The following MED15 variants were observed in gnomAD, a reference collection of about 807,000 sequenced individuals.
The protein encoded by MED15 is mediator of RNA polymerase II transcription subunit 15.
A neutral mutation model predicts 118.7 loss-of-function variants in MED15; 41 were observed. That is an observed-to-expected ratio of 0.35 (90% CI 0.27 to 0.45). The LOEUF is 0.45. Among genes scored for constraint, MED15 ranks in the 20% least tolerant of loss-of-function variants. The pLI, the probability that MED15 is intolerant of heterozygous loss-of-function variation, is 1.00. For missense variants in MED15, 740 were observed against 1,025.5 expected (o/e 0.72, Z 3.80); for synonymous variants, 436 against 413.9 (o/e 1.05, Z -0.65).
chr22:20,552,321 G>A (rs2055811464), intron 3 of MED15, among the ~76,000 whole-genome samples: 1 of 152,222 alleles, frequency 6.6e-6, no homozygotes, highest in Non-Finnish European at 1.5e-5. Context: ...TGTACCTTCA[G>A]TGTGTTGCTG....
chr22:20,550,540 TG>T (rs1344961452), intron 2 of MED15, among the ~76,000 whole-genome samples: 1 of 152,266 alleles, frequency 6.6e-6, no homozygotes, highest in African/African-American at 2.4e-5. Flanking sequence ...GGATGGACTC[TG>T]AGTGTCACAG....
intron 5 of MED15, among the ~76,000 whole-genome samples, chr22:20,559,506 T>C (rs554875053): frequency 6.6e-6 from 1 of 152,172 alleles, no homozygotes; most frequent in East Asian, 1.9e-4. Flanking sequence ...GAAAACAATA[T>C]GTGAGGGGAT....
chr22:20,567,326 T>C (rs150020328), intron 7 of MED15, among the ~76,000 whole-genome samples: 17 of 152,374 alleles, frequency 1.1e-4, no homozygotes, highest in African/African-American at 4.1e-4. Flanking sequence ...AGTTTCATTT[T>C]GTATCTCTGC....
At chr22:20,578,532 C>G (rs942325809) in intron 9 of MED15, among the ~76,000 whole-genome samples, 2 of 152,228 alleles carry the variant, frequency 1.3e-5, no homozygotes, top group Non-Finnish European at 2.9e-5. Context: ...TTCACCTGAC[C>G]ACACCAGGTG....
At chr22:20,526,933 G>A (rs1381446733) in intron 1 of MED15, among the ~76,000 whole-genome samples, 2 of 152,166 alleles carry the variant, frequency 1.3e-5, no homozygotes, top group African/African-American at 4.8e-5. Flanking sequence ...CCAGCTTCCT[G>A]AGAAGGGACT....
At chr22:20,508,056 T>G in intron 1 of MED15, 8 of 1,360,934 alleles carry the variant, frequency 5.9e-6, no homozygotes, top group Non-Finnish European at 7.6e-6. Flanking sequence ...TGAACCACAC[T>G]GAATAGGGAA....
At chr22:20,526,254 AACTACTG>A (rs1366841904) in intron 1 of MED15, among the ~76,000 whole-genome samples, 6 of 152,220 alleles carry the variant, frequency 3.9e-5, no homozygotes, top group African/African-American at 1.2e-4. Flanking sequence ...AAAGACAAGA[AACTACTG>A]TGGTTCCCAT....
chr22:20,579,929 G>A (rs764143268), intron 9 of MED15, among the ~76,000 whole-genome samples: 3 of 151,874 alleles, frequency 2.0e-5, no homozygotes, highest in Non-Finnish European at 4.4e-5. Flanking sequence ...ACCGGCGCCC[G>A]ACCTCTCTGG....
chr22:20,555,438 TAC>T (rs2055959814), intron 5 of MED15, among the ~76,000 whole-genome samples: 1 of 152,156 alleles, frequency 6.6e-6, no homozygotes, highest in South Asian at 2.1e-4. Context: ...CTGAAATAGA[TAC>T]AGTGTGTTTC....
intron 2 of MED15, among the ~76,000 whole-genome samples, chr22:20,541,435 A>G (rs1322512923): frequency 6.6e-6 from 1 of 152,194 alleles, no homozygotes; most frequent in Admixed American, 6.5e-5. Flanking sequence ...TATAATGGCT[A>G]TGATTTTTAA....
At chr22:20,522,403 C>A (rs1028012342) in intron 1 of MED15, among the ~76,000 whole-genome samples, 1 of 151,466 alleles carries the variant, frequency 6.6e-6, no homozygotes, top group Admixed American at 6.6e-5. Flanking sequence ...TTTGAATGCA[C>A]GCTGAAATTT....
chr22:20,564,505 C>CCAGCAG lies in MED15; in HGVS notation c.517_522dup (p.Gln173_Gln174dup), dbSNP rs749972146. The CCAGCAG allele has an allele frequency of 4.7e-5, 76 of 1,600,296 alleles. 1 individual carries two copies. The East Asian group carries it at 1.6e-3, about 33-fold the overall frequency. The stretch of plus-strand genomic sequence containing the variant: ...AGCAGCAGCAGCAACAGCAGCAGTT[C>CCAGCAG]CAGCAGCAGCAGCAGGCGGCGCTAC... On this transcript the variant is annotated inframe_insertion, in exon 6 of 18. Transcript: ENST00000263205.
intron 9 of MED15, among the ~76,000 whole-genome samples, chr22:20,581,096 TGTG>T (rs1477685782): frequency 4.6e-5 from 7 of 152,290 alleles, no homozygotes; most frequent in Admixed American, 1.3e-4. Flanking sequence ...AGTACCCTGT[TGTG>T]GTCACGCTCT....
At chr22:20,582,358 CCCCTGTGGG>C (rs1335226463) in intron 9 of MED15, 24 of 581,382 alleles carry the variant, frequency 4.1e-5, no homozygotes, top group Non-Finnish European at 1.5e-5. Flanking sequence ...AAAGCCTGTG[CCCCTGTGGG>C]TCCCTGGCCA....
chr22:20,569,105 C>T (rs1479437808), intron 8 of MED15, among the ~76,000 whole-genome samples: 2 of 152,024 alleles, frequency 1.3e-5, no homozygotes, highest in African/African-American at 2.4e-5. Flanking sequence ...GGGACTCCGG[C>T]GCTGTGTGGT....
intron 5 of MED15, among the ~76,000 whole-genome samples, chr22:20,561,268 C>T (rs552658525): frequency 1.2e-4 from 19 of 152,232 alleles, no homozygotes; most frequent in African/African-American, 3.4e-4. Flanking sequence ...GGCCTGTAAT[C>T]GCAGCACTTT....
At chr22:20,537,048 G>A (rs1384102251) in intron 1 of MED15, 69 bp from the exon 2 acceptor site, 75 of 1,437,188 alleles carry the variant, frequency 5.2e-5, no homozygotes, top group Non-Finnish European at 7.0e-5. Context: ...TGCAGGGCCT[G>A]TTGGCCAGGG....
chr22:20,525,859 T>C (rs929163497), intron 1 of MED15, among the ~76,000 whole-genome samples: 3 of 152,076 alleles, frequency 2.0e-5, no homozygotes, highest in East Asian at 1.9e-4. Flanking sequence ...TAATAGCTAT[T>C]GTTCGCTGAG....
chr22:20,526,006 C>T (rs902680517), intron 1 of MED15, among the ~76,000 whole-genome samples: 2 of 151,570 alleles, frequency 1.3e-5, no homozygotes, highest in African/African-American at 2.4e-5. Context: ...CTGCAGCTTC[C>T]GCCTCCTGGG....
Sources: allele counts gnomAD v4.1 joint callset (sites outside exome capture counted in the v4.1 genomes callset), GRCh38; gene constraint gnomAD v4.1.1; transcripts MANE v1.5; gene names NCBI Gene and HGNC (gene_info 2026-07-23, HGNC 2026-07-21).